Variants in NMNAT3 observed in about 807,000 individuals in gnomAD.
NMNAT3 encodes the protein nicotinamide/nicotinic acid mononucleotide adenylyltransferase 3.
A neutral mutation model predicts 24.8 loss-of-function variants in NMNAT3; 21 were observed. The observed-to-expected ratio is 0.85, with a 90% CI of 0.60 to 1.22. The LOEUF (loss-of-function observed/expected upper bound fraction) is 1.22, where lower values mean the gene tolerates loss of function less well. Ranked by LOEUF, NMNAT3 falls within the 50% of genes most tolerant of loss-of-function variation. NMNAT3 has a pLI of 0.00. For synonymous variants in NMNAT3, 136 were observed against 155.2 expected (o/e 0.88, Z 0.92); for missense variants, 387 against 436.6 (o/e 0.89, Z 1.01).
At position 139,596,939 on chromosome 3, in the gene NMNAT3, TA is replaced by T. The variant is rs1559890867; in HGVS notation, c.110-13732del. 2.6e-3 allele frequency among the ~76,000 whole-genome samples: 291 copies of T among 111,074 alleles called. 11 individuals are homozygous for T. The highest frequency in any genetic ancestry group is 0.012 in the African/African-American group (275 of 22,470). The allele number at this position is 111,074 out of a possible 152,430, so 72.9% of individuals were successfully genotyped here. A position where few individuals can be genotyped will look rare whatever the true frequency, so the allele number is the denominator to read the frequency against. On this transcript the variant is annotated intron_variant, in intron 3 of 6. Coordinates refer to ENST00000643695, the MANE Select transcript of NMNAT3 (RefSeq NM_001320510.2). The stretch of plus-strand genomic sequence containing the variant: ...GTGTATATATATATATATATATATA[TA>T]TATATATATATATATATATATATAT...
At chr3:139,662,219 T>C (rs1289854781) in intron 1 of NMNAT3, among the ~76,000 whole-genome samples, 2 of 152,138 alleles carry the variant, frequency 1.3e-5, no homozygotes, top group African/African-American at 4.8e-5. Context: ...GTTGTCTCTC[T>C]TCTCCTACCT....
chr3:139,603,408 G>C (rs1055507224), intron 3 of NMNAT3, among the ~76,000 whole-genome samples: 2 of 152,008 alleles, frequency 1.3e-5, no homozygotes, highest in South Asian at 4.2e-4. Context: ...TTACAATTTG[G>C]GGTGTATATG....
chr3:139,623,510 C>T (rs1415958381), intron 3 of NMNAT3, among the ~76,000 whole-genome samples: 1 of 152,054 alleles, frequency 6.6e-6, no homozygotes, highest in Non-Finnish European at 1.5e-5. Context: ...ATACATAAAT[C>T]AGTAACTTAG....
At chr3:139,645,031 A>G (rs2056826855) in intron 1 of NMNAT3, among the ~76,000 whole-genome samples, 1 of 152,130 alleles carries the variant, frequency 6.6e-6, no homozygotes, top group Non-Finnish European at 1.5e-5. Context: ...GTGAGACCTC[A>G]TCTCTACTAA....
intron 3 of NMNAT3, among the ~76,000 whole-genome samples, chr3:139,589,430 T>A (rs778014345): frequency 2.0e-5 from 3 of 152,190 alleles, no homozygotes; most frequent in Non-Finnish European, 2.9e-5. Flanking sequence ...CCTGAAAGTT[T>A]CAAAAGAGAA....
At chr3:139,593,218 A>G (rs1488170391) in intron 3 of NMNAT3, among the ~76,000 whole-genome samples, 2 of 152,340 alleles carry the variant, frequency 1.3e-5, no homozygotes, top group East Asian at 3.9e-4. Flanking sequence ...CAAAAGAGAC[A>G]AAGAAGGCCA....
At chr3:139,652,665 T>C (rs142698106) in intron 1 of NMNAT3, among the ~76,000 whole-genome samples, 147 of 152,336 alleles carry the variant, frequency 9.6e-4, no homozygotes, top group Non-Finnish European at 1.7e-3. Context: ...CCAACAGCAA[T>C]GTTTTTAAGT....
intron 1 of NMNAT3, among the ~76,000 whole-genome samples, chr3:139,661,987 T>C (rs1019089304): frequency 6.6e-6 from 1 of 152,136 alleles, no homozygotes; most frequent in African/African-American, 2.4e-5. Flanking sequence ...GACACAGTCA[T>C]GGTGACTCAG....
chr3:139,582,878 A>G (rs2053726577), intron 4 of NMNAT3: 1 of 1,200,588 alleles, frequency 8.3e-7, no homozygotes. Context: ...TTTTTTCAAA[A>G]TAAGTTGGAG....
chr3:139,638,635 C>G (rs2056591737), intron 1 of NMNAT3, among the ~76,000 whole-genome samples: 1 of 152,340 alleles, frequency 6.6e-6, no homozygotes, highest in South Asian at 2.1e-4. Flanking sequence ...GCTCATCCCT[C>G]TCTCAAACTC....
At chr3:139,623,412 C>A (rs1422554939) in intron 3 of NMNAT3, among the ~76,000 whole-genome samples, 1 of 152,162 alleles carries the variant, frequency 6.6e-6, no homozygotes. Flanking sequence ...TCTGAAGGAG[C>A]TGCCTGAGGC....
intron 6 of NMNAT3, chr3:139,570,406 G>T (rs1309587495): frequency 6.6e-6 from 1 of 152,206 alleles, no homozygotes; most frequent in Non-Finnish European, 1.5e-5. Context: ...TCCTTTGGAG[G>T]AGGAGAGGCA....
chr3:139,561,028 A>T lies in NMNAT3; in HGVS notation c.1023T>A (p.Thr341=). The T allele has an allele frequency of 6.2e-7, 1 of 1,613,056 alleles. No homozygotes were observed. Residue 341 remains threonine, a synonymous_variant, in exon 7 of 7, where the codon ACT becomes ACA. Transcript: ENST00000643695. ...CCCCTCCCTAGCTTGTCTTGCCCTC[A>T]GTGCTCTGGGTGCTTTTGCCTTTCC... is the stretch of plus-strand genomic sequence containing the variant.
intron 4 of NMNAT3, chr3:139,582,889 G>A: frequency 7.9e-7 from 1 of 1,272,614 alleles, no homozygotes; most frequent in South Asian, 2.2e-5. Flanking sequence ...TAAGTTGGAG[G>A]GAGGAGCAGT....
chr3:139,582,903 AAAAAATATATATATATTTTTTAC>A lies in NMNAT3; in HGVS notation c.391+1_391+23del. The stretch of plus-strand genomic sequence containing the variant: ...ATAAGTTGGAGGGAGGAGCAGTCCA[AAAAAATATATATATATTTTTTAC>A]CTTGAAGTCGCTCATCAGTGAATAT... On this transcript the variant is annotated splice_donor_variant and splice_donor_5th_base_variant and intron_variant, in intron 4 of 6. Coordinates refer to ENST00000643695, the MANE Select transcript of NMNAT3 (RefSeq NM_001320510.2). LOFTEE classifies it high-confidence loss of function. 1 of 1,375,888 alleles carries A rather than the reference AAAAAATATATATATATTTTTTAC, an allele frequency of 7.3e-7. No individual in the cohort carries two copies. Among genetic ancestry groups the A allele is most frequent in the Non-Finnish European group, 9.6e-7 (1 of 1,043,384 alleles). 85.2% of individuals were successfully genotyped at this position (1,375,888 alleles called of 1,614,324 possible). A position where few individuals can be genotyped will look rare whatever the true frequency, so the allele number is the denominator to read the frequency against.
At chr3:139,561,544 T>G (rs1238734903) in intron 6 of NMNAT3, 152 bp from the exon 7 acceptor site, 1 of 694,202 alleles carries the variant, frequency 1.4e-6, no homozygotes, top group African/African-American at 1.8e-5. Context: ...AGCATGTAAA[T>G]GAATCTGCAG....
intron 3 of NMNAT3, among the ~76,000 whole-genome samples, chr3:139,606,586 G>C (rs2054956254): frequency 6.6e-6 from 1 of 152,126 alleles, no homozygotes; most frequent in Admixed American, 6.6e-5. Flanking sequence ...TAAATATCCT[G>C]ATTCCCATCA....
intron 1 of NMNAT3, among the ~76,000 whole-genome samples, chr3:139,674,193 A>G (rs755638992): frequency 6.6e-6 from 1 of 152,206 alleles, no homozygotes; most frequent in Non-Finnish European, 1.5e-5. Flanking sequence ...CCCAAAACCT[A>G]TTACAGAGAA....
intron 4 of NMNAT3, 33 bp from the exon 5 acceptor site, chr3:139,579,088 C>T: frequency 6.3e-7 from 1 of 1,575,712 alleles, no homozygotes; most frequent in African/African-American, 1.3e-5. Flanking sequence ...GTTGCACATA[C>T]AGACAGATGC....
Sources: gnomAD v4.1 joint callset for allele counts (sites outside exome capture counted in the v4.1 genomes callset) on GRCh38, gnomAD v4.1.1 for gene constraint, MANE v1.5 for transcripts, NCBI Gene and HGNC (gene_info 2026-07-23, HGNC 2026-07-21) for gene names.